POSTN: variants seen among roughly 807,000 people sequenced by gnomAD.
POSTN encodes the protein periostin.
In POSTN, 71 loss-of-function variants were observed where a neutral mutation model predicts 104.5. That is an observed-to-expected ratio of 0.68 (90% CI 0.56 to 0.83). The LOEUF (loss-of-function observed/expected upper bound fraction) is 0.83, where lower values mean the gene tolerates loss of function less well. POSTN is among the 40% of genes least tolerant of loss of function. The probability of loss-of-function intolerance (pLI) is 0.00; values close to 1 mark genes in which losing one functional copy is unlikely to be tolerated. For missense variants in POSTN, 949 were observed against 1,006.8 expected (o/e 0.94, Z 0.78); for synonymous variants, 355 against 340.7 (o/e 1.04, Z -0.46).
At chr13:37,564,073 G>T (rs988159919) in intron 22 of POSTN, among the ~76,000 whole-genome samples, 1 of 149,626 alleles carries the variant, frequency 6.7e-6, no homozygotes, top group Non-Finnish European at 1.5e-5. Context: ...TAAGGATTCA[G>T]GTCCACCTGC....
intron 6 of POSTN, 71 bp downstream of exon 6, chr13:37,586,711 A>G: frequency 3.5e-6 from 5 of 1,449,054 alleles, no homozygotes; most frequent in Non-Finnish European, 4.7e-6. Context: ...TAGCATTTTT[A>G]TTGTTTTTAG....
At position 37,563,144 on chromosome 13, in the gene POSTN, C is replaced by G. The variant is rs994077271; in HGVS notation, c.*189G>C. Reference sequence around the variant, plus strand: ...TCTTCAATTCCTTTACCACAGGAGGCTAACTCCACAATTTCCCTCATGTTT... The same window carrying G: ...TCTTCAATTCCTTTACCACAGGAGGGTAACTCCACAATTTCCCTCATGTTT... On this transcript the variant is annotated 3_prime_UTR_variant, in exon 23 of 23. Coordinates refer to ENST00000379747, the MANE Select transcript of POSTN (RefSeq NM_006475.3). The G allele has an allele frequency of 4.9e-5, 20 of 411,650 alleles. No homozygotes were observed. The highest frequency in any genetic ancestry group is 3.6e-4 in the Admixed American group (9 of 25,118). The allele number at this position is 411,650 out of a possible 1,614,324, so 25.5% of individuals were successfully genotyped here. A position where few individuals can be genotyped will look rare whatever the true frequency, so the allele number is the denominator to read the frequency against.
At chr13:37,596,177 T>C (rs1951080600) in intron 2 of POSTN, among the ~76,000 whole-genome samples, 1 of 152,042 alleles carries the variant, frequency 6.6e-6, no homozygotes, top group South Asian at 2.1e-4. Flanking sequence ...GAACTTAGGG[T>C]AACTGAATTT....
intron 17 of POSTN, among the ~76,000 whole-genome samples, chr13:37,573,043 T>C (rs1171580658): frequency 6.6e-6 from 1 of 151,494 alleles, no homozygotes; most frequent in African/African-American, 2.4e-5. Flanking sequence ...TGATCTTAAC[T>C]GAATAAAGAT....
chr13:37,580,524 C>A (rs536305362), intron 11 of POSTN, 37 bp downstream of exon 11: 30 of 1,302,248 alleles, frequency 2.3e-5, no homozygotes, highest in South Asian at 8.5e-5. Flanking sequence ...ATGCCAATAG[C>A]TCTCATTCTC....
At chr13:37,587,061 C>T (rs903533859) in intron 5 of POSTN, 133 bp from the exon 6 acceptor site, 35 of 729,308 alleles carry the variant, frequency 4.8e-5, no homozygotes, top group African/African-American at 1.9e-4. Context: ...TAAATGTAAA[C>T]GCTGTGGATG....
chr13:37,574,714 T>G (rs1593323438), intron 16 of POSTN, 62 bp from the exon 17 acceptor site: 4 of 1,498,174 alleles, frequency 2.7e-6, no homozygotes, highest in Non-Finnish European at 3.5e-6. Context: ...AAAGGTTTTT[T>G]TTTTTTTTCC....
chr13:37,578,787 A>C, intron 15 of POSTN, 57 bp downstream of exon 15: 1 of 1,369,230 alleles, frequency 7.3e-7, no homozygotes, highest in South Asian at 1.4e-5. Context: ...CGACAAAGCG[A>C]GACTCCATCT....
rs1949966846 is a variant in POSTN at position 37,562,664 on chromosome 13, T to C, written c.*669A>G. On this transcript the variant is annotated 3_prime_UTR_variant, in exon 23 of 23. Coordinates refer to ENST00000379747, the MANE Select transcript of POSTN (RefSeq NM_006475.3). The stretch of plus-strand genomic sequence containing the variant: ...CTGTTCCCAAGTCCAAACCACTTTT[T>C]AACTTAAATCTTGAGTTTTTCTGAA... 1 of 152,200 alleles carries C rather than the reference T, an allele frequency of 6.6e-6. No individual in the cohort carries two copies. The highest frequency in any genetic ancestry group is 2.1e-4 in the South Asian group (1 of 4,830). The allele number at this position is 152,200 out of a possible 1,614,324, so 9.4% of individuals were successfully genotyped here.
intron 21 of POSTN, among the ~76,000 whole-genome samples, chr13:37,567,405 T>C: frequency 6.6e-6 from 1 of 152,046 alleles, no homozygotes; most frequent in South Asian, 2.1e-4. Context: ...GTGTAATCTT[T>C]ACTAGCTTCT....
At chr13:37,584,991 A>G in intron 7 of POSTN, 63 bp from the exon 8 acceptor site, 1 of 1,586,424 alleles carries the variant, frequency 6.3e-7, no homozygotes, top group Middle Eastern at 1.7e-4. Context: ...GACCCTGAAA[A>G]GATGTGTTTC....
intron 16 of POSTN, among the ~76,000 whole-genome samples, chr13:37,575,400 A>G (rs1241717097): frequency 6.6e-6 from 1 of 151,856 alleles, no homozygotes; most frequent in Non-Finnish European, 1.5e-5. Context: ...AGAAGCCTAA[A>G]CCCCAGCATT....
At chr13:37,578,692 G>A (rs1173356135) in intron 15 of POSTN, 152 bp downstream of exon 15, 7 of 523,606 alleles carry the variant, frequency 1.3e-5, no homozygotes, top group Non-Finnish European at 9.0e-6. Context: ...CCAGCTACTC[G>A]GGAGGCTGAG....
chr13:37,563,306 A>T lies in POSTN; in HGVS notation c.*27T>A, dbSNP rs773492529. The T allele has an allele frequency of 1.3e-6, 2 of 1,547,332 alleles. No individual in the cohort carries two copies. The highest frequency in any genetic ancestry group is 2.7e-5 in the African/African-American group (2 of 73,322). On this transcript the variant is annotated 3_prime_UTR_variant, in exon 23 of 23. Coordinates refer to ENST00000379747, the MANE Select transcript of POSTN (RefSeq NM_006475.3). ...TCAGGTTATTGACTTAGGGTTGTAT[A>T]AACATTTTTTTCTGGTTTTTGGATT...
chr13:37,569,307 A>C lies in POSTN; in HGVS notation c.2424T>G (p.Leu808=), dbSNP rs749868734. ...TGTTGTCCTTTTACTAACCTCCCTG[A>C]AGCAGTCTTTTAATTTCTTCATCTT... ...LFEDEEIKRL[L]QGDTPVRKLQ... Residue 808 remains leucine (L), a synonymous_variant, in exon 21 of 23, where the codon CTT becomes CTG. Coordinates refer to ENST00000379747, the MANE Select transcript of POSTN (RefSeq NM_006475.3). 52 of 1,611,484 alleles carry C rather than the reference A, an allele frequency of 3.2e-5. No homozygotes were observed. Among genetic ancestry groups the C allele is most frequent in the Non-Finnish European group, 4.0e-5 (47 of 1,177,990 alleles).
At chr13:37,581,124 A>G (rs114647142) in intron 10 of POSTN, among the ~76,000 whole-genome samples, 2,179 of 152,298 alleles carry the variant, frequency 0.014, 56 homozygotes, top group African/African-American at 0.05. Flanking sequence ...CCTATTCATC[A>G]TTGTAAGTCA....
chr13:37,596,022 G>A (rs930301597), intron 2 of POSTN, among the ~76,000 whole-genome samples: 5 of 151,684 alleles, frequency 3.3e-5, no homozygotes, highest in Non-Finnish European at 5.9e-5. Flanking sequence ...GGCTGGTCTC[G>A]AACTCCTGGC....
chr13:37,583,512 TTCCTGG>T (rs1950661338), intron 9 of POSTN, among the ~76,000 whole-genome samples: 1 of 145,734 alleles, frequency 6.9e-6, no homozygotes, highest in Non-Finnish European at 1.5e-5. Context: ...TGCCATCTGC[TTCCTGG>T]GTTCAGTTCA....
chr13:37,570,703 A>G (rs769420846), intron 18 of POSTN, 34 bp from the exon 19 acceptor site: 2 of 1,308,324 alleles, frequency 1.5e-6, no homozygotes, highest in South Asian at 1.2e-5. Context: ...CATTTGATTT[A>G]CCCTCATATT....
Sources: allele counts gnomAD v4.1 joint callset (sites outside exome capture counted in the v4.1 genomes callset), GRCh38; gene constraint gnomAD v4.1.1; transcripts MANE v1.5; gene names NCBI Gene and HGNC (gene_info 2026-07-23, HGNC 2026-07-21).